The following LRRC4C variants were observed in gnomAD, a reference collection of about 807,000 sequenced individuals.
The protein encoded by LRRC4C is leucine-rich repeat-containing protein 4C.
In LRRC4C, 5 loss-of-function variants were observed where a neutral mutation model predicts 33.6. The ratio of observed to expected loss-of-function variants is 0.15; its 90% CI spans 0.08 to 0.31. LRRC4C has a LOEUF of 0.31. Ranked by LOEUF, LRRC4C falls within the 10% of genes least tolerant of loss-of-function variation. LRRC4C has a pLI of 1.00. For synonymous variants in LRRC4C, 329 were observed against 302.0 expected, an observed-to-expected ratio of 1.09 and a Z score of -0.93; for missense variants, 560 against 796.7, an observed-to-expected ratio of 0.70 and a Z score of 3.58.
intron 4 of LRRC4C, among the ~76,000 whole-genome samples, chr11:40,273,831 A>G (rs1003497260): frequency 6.6e-6 from 1 of 152,162 alleles, no homozygotes; most frequent in Non-Finnish European, 1.5e-5. Context: ...AATAGATATG[A>G]CTTTTGCTGA....
At chr11:40,213,585 G>T (rs552581624) in intron 5 of LRRC4C, among the ~76,000 whole-genome samples, 1 of 152,078 alleles carries the variant, frequency 6.6e-6, no homozygotes, top group Non-Finnish European at 1.5e-5. Context: ...TGATTCCCAA[G>T]ATCCGTCTTC....
At chr11:41,440,570 A>G (rs1187751665) in intron 1 of LRRC4C, among the ~76,000 whole-genome samples, 2 of 152,152 alleles carry the variant, frequency 1.3e-5, no homozygotes, top group Non-Finnish European at 2.9e-5. Flanking sequence ...GTATAGTCTA[A>G]TAAAACAGTC....
intron 5 of LRRC4C, among the ~76,000 whole-genome samples, chr11:40,159,064 GA>G (rs1858945277): frequency 1.3e-5 from 2 of 152,096 alleles, no homozygotes; most frequent in African/African-American, 4.8e-5. Context: ...ACTACACTGC[GA>G]AAAAGCAAAG....
At chr11:40,812,467 A>G (rs755565666) in intron 2 of LRRC4C, among the ~76,000 whole-genome samples, 1 of 152,240 alleles carries the variant, frequency 6.6e-6, no homozygotes, top group Non-Finnish European at 1.5e-5. Context: ...ATTCGGCTTT[A>G]GAAAAGAAAC....
intron 5 of LRRC4C, among the ~76,000 whole-genome samples, chr11:40,173,004 C>T (rs1285997403): frequency 3.3e-5 from 5 of 152,226 alleles, no homozygotes; most frequent in South Asian, 2.1e-4. Context: ...AGTAAAGAGA[C>T]GGCAGTCATG....
chr11:40,889,907 C>A (rs1462171264), intron 2 of LRRC4C, among the ~76,000 whole-genome samples: 2 of 152,026 alleles, frequency 1.3e-5, no homozygotes, highest in Non-Finnish European at 2.9e-5. Context: ...TTGCACATAT[C>A]CTGGCTTATA....
chr11:40,415,523 A>T (rs1950296053), intron 3 of LRRC4C, among the ~76,000 whole-genome samples: 1 of 152,156 alleles, frequency 6.6e-6, no homozygotes, highest in Admixed American at 6.6e-5. Flanking sequence ...GTTAAAGATA[A>T]GTATGTTACA....
intron 1 of LRRC4C, among the ~76,000 whole-genome samples, chr11:41,290,964 C>G (rs1949976840): frequency 6.6e-6 from 1 of 152,022 alleles, no homozygotes; most frequent in African/African-American, 2.4e-5. Flanking sequence ...CATCAACTTT[C>G]CAAAAATTCA....
chr11:41,389,229 A>G (rs998501208), intron 1 of LRRC4C, among the ~76,000 whole-genome samples: 2 of 151,862 alleles, frequency 1.3e-5, no homozygotes, highest in Non-Finnish European at 2.9e-5. Context: ...ATATACATGT[A>G]GGTCCCACAA....
chr11:40,210,597 C>G (rs1863522620), intron 5 of LRRC4C, among the ~76,000 whole-genome samples: 1 of 152,144 alleles, frequency 6.6e-6, no homozygotes, highest in Middle Eastern at 3.2e-3. Context: ...ATCCCTGCAT[C>G]TATTGAAATC....
intron 1 of LRRC4C, among the ~76,000 whole-genome samples, chr11:41,203,711 G>A (rs1371560841): frequency 1.3e-5 from 2 of 152,080 alleles, no homozygotes; most frequent in Non-Finnish European, 2.9e-5. Context: ...GTTTTGTTTT[G>A]TATCTGTGGA....
intron 1 of LRRC4C, among the ~76,000 whole-genome samples, chr11:41,166,346 T>C (rs1360839043): frequency 6.6e-6 from 1 of 152,188 alleles, no homozygotes; most frequent in Non-Finnish European, 1.5e-5. Flanking sequence ...AGCAAATGCC[T>C]GGCAGAAATA....
intron 2 of LRRC4C, among the ~76,000 whole-genome samples, chr11:40,842,200 G>T (rs1312654810): frequency 6.6e-6 from 1 of 152,146 alleles, no homozygotes; most frequent in Non-Finnish European, 1.5e-5. Context: ...GCACTCAGGT[G>T]CCAGATTTCC....
chr11:40,117,538 C>T (rs940390366), intron 6 of LRRC4C, among the ~76,000 whole-genome samples: 4 of 152,126 alleles, frequency 2.6e-5, no homozygotes, highest in African/African-American at 9.7e-5. Context: ...TCATCTCCTG[C>T]ATCTCTTGTG....
chr11:40,783,213 A>C (rs928560643), intron 2 of LRRC4C, among the ~76,000 whole-genome samples: 2 of 152,162 alleles, frequency 1.3e-5, no homozygotes, highest in African/African-American at 4.8e-5. Context: ...TGTCTATATA[A>C]TTCAATTTTA....
chr11:40,932,050 A>G (rs1322855639), intron 2 of LRRC4C, among the ~76,000 whole-genome samples: 2 of 152,150 alleles, frequency 1.3e-5, no homozygotes, highest in South Asian at 2.1e-4. Flanking sequence ...TGAAGAAGTG[A>G]TGAGACATAT....
intron 1 of LRRC4C, among the ~76,000 whole-genome samples, chr11:41,439,842 A>T (rs1175053435): frequency 1.3e-5 from 2 of 152,016 alleles, no homozygotes; most frequent in Non-Finnish European, 2.9e-5. Context: ...TTTTGTTTTG[A>T]TGAGGTTTTT....
chr11:40,709,132 C>T (rs1056941690), intron 2 of LRRC4C, among the ~76,000 whole-genome samples: 2 of 152,126 alleles, frequency 1.3e-5, no homozygotes, highest in African/African-American at 4.8e-5. Flanking sequence ...GAATACAGCA[C>T]ACTGATGGGT....
intron 3 of LRRC4C, among the ~76,000 whole-genome samples, chr11:40,451,807 G>A (rs1474313570): frequency 1.3e-5 from 2 of 152,176 alleles, no homozygotes; most frequent in Admixed American, 6.5e-5. Flanking sequence ...ATGGAGGGGA[G>A]TAGAGTCAAG....
Sources: gnomAD v4.1 joint callset for allele counts (sites outside exome capture counted in the v4.1 genomes callset) on GRCh38, gnomAD v4.1.1 for gene constraint, MANE v1.5 for transcripts, NCBI Gene and HGNC (gene_info 2026-07-23, HGNC 2026-07-21) for gene names.